KIAA1671: variants seen among roughly 807,000 people sequenced by gnomAD.
The protein encoded by KIAA1671 is uncharacterized protein KIAA1671.
In KIAA1671, 52 loss-of-function variants were observed where a neutral mutation model predicts 131.2. That is an observed-to-expected ratio of 0.40 (90% CI 0.32 to 0.50). The LOEUF is 0.50. Among genes scored for constraint, KIAA1671 ranks in the 20% least tolerant of loss-of-function variants. The pLI, the probability that KIAA1671 is intolerant of heterozygous loss-of-function variation, is 0.73. For missense variants in KIAA1671, 2,360 were observed against 2,364.2 expected, an observed-to-expected ratio of 1.00 and a Z score of 0.04; for synonymous variants, 1,003 against 961.6, an observed-to-expected ratio of 1.04 and a Z score of -0.80.
chr22:25,020,950 G>T (rs1241361101), intron 1 of KIAA1671, among the ~76,000 whole-genome samples: 2 of 152,196 alleles, frequency 1.3e-5, no homozygotes, highest in South Asian at 2.1e-4. Context: ...AGACACGGGG[G>T]CGTTAAGCAG....
chr22:25,145,418 C>G (rs758660369), intron 6 of KIAA1671, among the ~76,000 whole-genome samples: 3 of 152,206 alleles, frequency 2.0e-5, no homozygotes, highest in African/African-American at 7.2e-5. Context: ...CAAGGCCACA[C>G]AGCATGGCCC....
At chr22:25,093,309 C>T (rs1930112390) in intron 6 of KIAA1671, among the ~76,000 whole-genome samples, 1 of 152,110 alleles carries the variant, frequency 6.6e-6, no homozygotes. Flanking sequence ...ATCAGAGGCT[C>T]AGATTTCTCA....
intron 6 of KIAA1671, among the ~76,000 whole-genome samples, chr22:25,132,138 G>A (rs1183599877): frequency 6.6e-6 from 1 of 152,188 alleles, no homozygotes; most frequent in Non-Finnish European, 1.5e-5. Flanking sequence ...TTAAATCAAT[G>A]CAACTTAACA....
In KIAA1671 at chr22:25,185,026, G is replaced by T. The variant is rs1934425480; in HGVS notation, c.5249G>T (p.Ser1750Ile). The T allele has an allele frequency of 6.4e-7, 1 of 1,551,550 alleles. No homozygotes were observed. Among genetic ancestry groups the T allele is most frequent in the Admixed American group, 2.0e-5 (1 of 50,974 alleles). ...GTGGACAGTCCTGGCGAGACCCCCA[G>T]CTGGGCACCCCAACCCAAGAGCCCC... ...PEVDSPGETP[S>I]WAPQPKSPKS... The change falls in exon 11 of 13, where the codon AGC becomes ATC. Residue 1750 changes from serine (S) to isoleucine (I), a missense_variant. Transcript: ENST00000358431.
Position 25,041,336 on chromosome 22 carries a change from G to A in KIAA1671, c.4206G>A (p.Pro1402=), listed in dbSNP as rs1315687868. 20 of 1,551,534 alleles carry A rather than the reference G, an allele frequency of 1.3e-5. No individual in the cohort carries two copies. Among genetic ancestry groups the A allele is most frequent in the African/African-American group, 6.8e-5 (5 of 73,038 alleles). ...GDHPRDCGRV[P]LDIKRAYSEK... ...ACCCACGTGACTGTGGACGGGTGCCGCTGGATATCAAGAGGGCCTACTCAG... is the reference window on the plus strand; with the variant it reads ...ACCCACGTGACTGTGGACGGGTGCCACTGGATATCAAGAGGGCCTACTCAG... The change falls in exon 5 of 13, where the codon CCG becomes CCA. Residue 1402 remains proline, a synonymous_variant. Transcript: ENST00000358431.
chr22:25,190,379 A>G (rs1270061826), intron 11 of KIAA1671, among the ~76,000 whole-genome samples: 1 of 152,220 alleles, frequency 6.6e-6, no homozygotes, highest in East Asian at 1.9e-4. Context: ...GCAGCTGTGA[A>G]TACAGATGAA....
chr22:25,002,654 G>A (rs958306672), intron 1 of KIAA1671, among the ~76,000 whole-genome samples: 2 of 152,206 alleles, frequency 1.3e-5, no homozygotes, highest in Non-Finnish European at 2.9e-5. Flanking sequence ...TGCATCTAGA[G>A]GTGAATGCTG....
chr22:25,175,330 T>C (rs1933984797), intron 8 of KIAA1671: 1 of 152,200 alleles, frequency 6.6e-6, no homozygotes, highest in Non-Finnish European at 1.5e-5. Flanking sequence ...GCCTCCCACC[T>C]ACACACTTGG....
Position 25,028,860 on chromosome 22 carries a change from C to T in KIAA1671, c.861C>T (p.Leu287=), listed in dbSNP as rs1926112112. 1 of 1,550,788 alleles carries T rather than the reference C, an allele frequency of 6.4e-7. No individual in the cohort carries two copies. Among genetic ancestry groups the T allele is most frequent in the Admixed American group, 2.0e-5 (1 of 50,926 alleles). The change falls in exon 3 of 13, where the codon CTC becomes CTT. Residue 287 remains leucine, a synonymous_variant. Coordinates refer to ENST00000358431, the MANE Select transcript of KIAA1671 (RefSeq NM_001145206.2). ...VRKPRPLSMD[L]TARFENKEAL... is the part of the protein sequence containing the mutation. ...AGCCCAGGCCCTTGTCCATGGACCT[C>T]ACGGCCCGGTTTGAGAACAAAGAGG...
intron 6 of KIAA1671, among the ~76,000 whole-genome samples, chr22:25,161,498 CG>C (rs1933442745): frequency 6.6e-6 from 1 of 152,096 alleles, no homozygotes; most frequent in Non-Finnish European, 1.5e-5. Context: ...GTGAGGATCG[CG>C]TGGCCAAATC....
In KIAA1671 at chr22:25,029,316, G is replaced by C. The variant is rs1749256920; in HGVS notation, c.1317G>C (p.Lys439Asn). The C allele has an allele frequency of 8.4e-6, 13 of 1,540,920 alleles. No homozygotes were observed. Among genetic ancestry groups the C allele is most frequent in the African/African-American group, 1.4e-5 (1 of 72,878 alleles). ...GEWASRRSVR[K>N]CISLFREDST... ...GGGCCTCCAGGAGGAGTGTCAGGAA[G>C]TGCATCAGCCTGTTTCGGGAGGACA... Residue 439 changes from lysine to asparagine, a missense_variant, in exon 3 of 13, where the codon AAG (lysine) becomes AAC (asparagine). By Grantham distance (94) the Lys-to-Asn change is moderately conservative. This residue lies in a region of KIAA1671 where 1,185 missense variants were observed against 1,126.2 expected (regional missense o/e 1.05). Coordinates refer to ENST00000358431, the MANE Select transcript of KIAA1671 (RefSeq NM_001145206.2).
chr22:25,038,583 A>C (rs1569213022), intron 4 of KIAA1671, among the ~76,000 whole-genome samples, 177 bp from the exon 5 acceptor site: 2 of 152,220 alleles, frequency 1.3e-5, no homozygotes, highest in Non-Finnish European at 2.9e-5. Flanking sequence ...CTCCAACAGT[A>C]TCTGAGTGTC....
At chr22:25,190,426 G>A (rs1312045566) in intron 11 of KIAA1671, among the ~76,000 whole-genome samples, 5 of 152,236 alleles carry the variant, frequency 3.3e-5, no homozygotes, top group African/African-American at 1.2e-4. Context: ...CACCTGCTGT[G>A]TGGCCTTGTT....
intron 6 of KIAA1671, among the ~76,000 whole-genome samples, chr22:25,149,884 T>C (rs1043238655): frequency 6.6e-6 from 1 of 152,156 alleles, no homozygotes; most frequent in Non-Finnish European, 1.5e-5. Context: ...CATTAAAGAC[T>C]CAACACAAAA....
chr22:25,020,143 G>T (rs1469197756), intron 1 of KIAA1671, among the ~76,000 whole-genome samples: 1 of 152,172 alleles, frequency 6.6e-6, no homozygotes. Context: ...GGAGTCAGAA[G>T]ACCTGGATTC....
intron 1 of KIAA1671, among the ~76,000 whole-genome samples, chr22:24,961,085 T>C (rs1342216805): frequency 6.6e-6 from 1 of 152,190 alleles, no homozygotes; most frequent in Admixed American, 6.5e-5. Flanking sequence ...CTCAGTTCAC[T>C]GCAGTCTCAA....
chr22:25,105,086 T>G (rs1930925408), intron 6 of KIAA1671, among the ~76,000 whole-genome samples: 1 of 152,032 alleles, frequency 6.6e-6, no homozygotes, highest in Admixed American at 6.6e-5. Context: ...TGCAATGGTG[T>G]GTTCTCAGCT....
chr22:25,078,406 A>G (rs112506173), intron 6 of KIAA1671, among the ~76,000 whole-genome samples: 7 of 152,338 alleles, frequency 4.6e-5, no homozygotes, highest in African/African-American at 1.7e-4. Flanking sequence ...GTGTACGCCT[A>G]TAATCTCAAA....
intron 5 of KIAA1671, among the ~76,000 whole-genome samples, chr22:25,042,222 G>A (rs1926969683): frequency 1.3e-5 from 2 of 152,114 alleles, no homozygotes; most frequent in South Asian, 2.1e-4. Flanking sequence ...GCAGCGCGCC[G>A]GCCACCTGTT....
Sources: gnomAD v4.1 joint callset for allele counts (sites outside exome capture counted in the v4.1 genomes callset) on GRCh38, gnomAD v4.1.1 for gene constraint, gnomAD v4.1.1 regional missense constraint, MANE v1.5 for transcripts, NCBI Gene and HGNC (gene_info 2026-07-23, HGNC 2026-07-21) for gene names.